The following TMEM223 variants were observed in gnomAD, a reference collection of about 807,000 sequenced individuals.
TMEM223 encodes the protein transmembrane protein 223.
In TMEM223, 14 loss-of-function variants were observed where a neutral mutation model predicts 14.1. The ratio of observed to expected loss-of-function variants is 0.99; its 90% CI spans 0.66 to 1.55. The LOEUF is 1.55. TMEM223 is among the 40% of genes most tolerant of loss of function. The pLI is 0.00. For synonymous variants in TMEM223, 145 were observed against 120.5 expected (o/e 1.20, Z -1.33); for missense variants, 346 against 269.9 (o/e 1.28, Z -1.97).
chr11:62,787,252 C>T (rs1418092450), downstream of TMEM223: 6 of 1,566,544 alleles, frequency 3.8e-6, no homozygotes, highest in Non-Finnish European at 5.2e-6. Context: ...CCGCCCCGCC[C>T]GCCGGTGGGC....
At chr11:62,787,667 C>T, downstream of TMEM223, 1 of 1,135,836 alleles carries the variant, frequency 8.8e-7, no homozygotes, top group African/African-American at 1.6e-5. Context: ...CGGCCTGTAC[C>T]TGAAATGCAG....
downstream of TMEM223, chr11:62,787,020 C>G: frequency 6.7e-7 from 1 of 1,492,152 alleles, no homozygotes. Flanking sequence ...ATCGGGCGCG[C>G]GGGGCACCCC....
At chr11:62,773,345 A>G (rs1174434626) in intron 2 of TMEM223, among the ~76,000 whole-genome samples, 4 of 150,646 alleles carry the variant, frequency 2.7e-5, no homozygotes, top group Admixed American at 2.7e-4. Context: ...ACGAGGTTTC[A>G]CCATATTGTC....
chr11:62,787,947 G>C, downstream of TMEM223: 1 of 485,250 alleles, frequency 2.1e-6, no homozygotes, highest in Non-Finnish European at 4.1e-6. Flanking sequence ...TTGTAGCACA[G>C]TGTGTTAAAT....
Position 62,789,985 on chromosome 11 carries a change from G to A in TMEM223, c.*638C>T, listed in dbSNP as rs762466330. On this transcript the variant is annotated 3_prime_UTR_variant, in exon 2 of 2. Coordinates refer to ENST00000307366, the MANE Select transcript of TMEM223 (RefSeq NM_001080501.3). ...CACCCCATACCGGCCTCTGGAGAGG[G>A]GTGACCCTGAGTGGAGCTCTGAGAC... 8 of 1,613,896 alleles carry A rather than the reference G, an allele frequency of 5.0e-6. No homozygotes were observed. The highest frequency in any genetic ancestry group is 5.9e-6 in the Non-Finnish European group (7 of 1,179,994).
At chr11:62,787,139 G>A (rs1193741860), downstream of TMEM223, 5 of 1,565,934 alleles carry the variant, frequency 3.2e-6, no homozygotes, top group Admixed American at 1.8e-5. Flanking sequence ...CAGGCTGGGA[G>A]GCGCTGCCGC....
At chr11:62,785,815 G>T (rs1057319595), downstream of TMEM223, among the ~76,000 whole-genome samples, 1 of 152,220 alleles carries the variant, frequency 6.6e-6, no homozygotes, top group African/African-American at 2.4e-5. Context: ...GATTACAGGC[G>T]TGAGCCACAG....
Position 62,791,881 on chromosome 11 carries a change from C to T in TMEM223, c.114G>A (p.Glu38=), listed in dbSNP as rs755490015. Residue 38 remains glutamate, a synonymous_variant, in exon 1 of 2, where the codon GAG becomes GAA. Coordinates refer to ENST00000307366, the MANE Select transcript of TMEM223 (RefSeq NM_001080501.3). The part of the protein sequence containing the change: ...TTLQRDVLLF[E]HDRGRFFTIL... ...TGGTGAAGAAGCGGCCCCGATCATG[C>T]TCAAAGAGCAGCACATCCCGTTGCA... 2 of 1,597,264 alleles carry T rather than the reference C, an allele frequency of 1.3e-6. No homozygotes were observed. The highest frequency in any genetic ancestry group is 4.5e-5 in the East Asian group (2 of 44,064).
At chr11:62,787,559 G>C, downstream of TMEM223, 1 of 1,516,110 alleles carries the variant, frequency 6.6e-7, no homozygotes, top group South Asian at 1.2e-5. Context: ...AGGTAGGCGG[G>C]GGAGCTGGCC....
chr11:62,788,388 C>T (rs1462824422), downstream of TMEM223, among the ~76,000 whole-genome samples: 4 of 148,122 alleles, frequency 2.7e-5, no homozygotes, highest in South Asian at 6.4e-4. Flanking sequence ...GGGTGACGAG[C>T]GAATCTCCAT....
Position 62,790,346 on chromosome 11 carries a change from C to A in TMEM223, c.*277G>T. 1 of 544,612 alleles carries A rather than the reference C, an allele frequency of 1.8e-6. No individual in the cohort carries two copies. 33.7% of individuals were successfully genotyped at this position (544,612 alleles called of 1,614,324 possible). A position where few individuals can be genotyped will look rare whatever the true frequency, so the allele number is the denominator to read the frequency against. ...TTAGAGGTACTGTTAGGCAGCTGCC[C>A]TAGGGATGACTGCTCCTTTATTTGT... On this transcript the variant is annotated 3_prime_UTR_variant, in exon 2 of 2. Coordinates refer to ENST00000307366, the MANE Select transcript of TMEM223 (RefSeq NM_001080501.3).
intron 1 of TMEM223, among the ~76,000 whole-genome samples, chr11:62,780,670 C>T (rs2134712830): frequency 6.6e-6 from 1 of 152,148 alleles, no homozygotes. Context: ...TGGTTCACGC[C>T]TGTAATCCCA....
At chr11:62,776,186 GTGAGAAAC>G (rs2084186912) in intron 1 of TMEM223, among the ~76,000 whole-genome samples, 1 of 152,194 alleles carries the variant, frequency 6.6e-6, no homozygotes, top group South Asian at 2.1e-4. Flanking sequence ...CATTCTGCAT[GTGAGAAAC>G]TGAGGTGTTG....
chr11:62,774,584 C>T (rs896512918), intron 2 of TMEM223: 6 of 454,552 alleles, frequency 1.3e-5, no homozygotes, highest in African/African-American at 6.0e-5. Flanking sequence ...CTTTGGCGCA[C>T]GGGAGCCTAC....
downstream of TMEM223, chr11:62,787,349 C>G: frequency 2.6e-6 from 4 of 1,535,414 alleles, no homozygotes; most frequent in South Asian, 2.4e-5. Flanking sequence ...GAAATGACGT[C>G]TCCACCTTCG....
At chr11:62,785,214 CAG>C (rs2084261383), downstream of TMEM223, among the ~76,000 whole-genome samples, 1 of 148,712 alleles carries the variant, frequency 6.7e-6, no homozygotes, top group Admixed American at 6.8e-5. Context: ...TTTTTCGAGA[CAG>C]AGTCTCACAC....
In TMEM223 at chr11:62,790,392, C is replaced by T; in HGVS notation, c.*231G>A. ...TTTGTTGTTAATGAATCTTGACCTC[C>T]TTGTGTGACCCTGGTTGTTACTCCA... On this transcript the variant is annotated 3_prime_UTR_variant, in exon 2 of 2. Transcript: ENST00000307366. 1.8e-6 allele frequency: 1 copy of T among 563,598 alleles called. No individual in the cohort carries two copies. Among genetic ancestry groups the T allele is most frequent in the East Asian group, 3.0e-5 (1 of 33,572 alleles). The allele number at this position is 563,598 out of a possible 1,614,324, so 34.9% of individuals were successfully genotyped here.
At chr11:62,786,997 T>G (rs1293679844), downstream of TMEM223, 2 of 1,481,700 alleles carry the variant, frequency 1.3e-6, no homozygotes, top group Non-Finnish European at 1.8e-6. Context: ...GAGCAGGCCC[T>G]TGCCGCGCGT....
downstream of TMEM223, among the ~76,000 whole-genome samples, chr11:62,785,538 CTTTT>C (rs1205888751): frequency 7.3e-6 from 1 of 136,406 alleles, no homozygotes; most frequent in Non-Finnish European, 1.6e-5. Context: ...ATAGTTAATT[CTTTT>C]TTTTTTTTTT....
Sources: allele counts gnomAD v4.1 joint callset (sites outside exome capture counted in the v4.1 genomes callset), GRCh38; gene constraint gnomAD v4.1.1; transcripts MANE v1.5; gene names NCBI Gene and HGNC (gene_info 2026-07-23, HGNC 2026-07-21).